NELL2: variants seen among roughly 807,000 people sequenced by gnomAD.
NELL2 encodes the protein protein kinase C-binding protein NELL2.
A neutral mutation model predicts 109.6 loss-of-function variants in NELL2; 41 were observed. The observed-to-expected ratio is 0.37, with a 90% CI of 0.29 to 0.49. The LOEUF is 0.49. Ranked by LOEUF, NELL2 falls within the 20% of genes least tolerant of loss-of-function variation. The probability of loss-of-function intolerance (pLI) is 0.98; values close to 1 mark genes in which losing one functional copy is unlikely to be tolerated. For synonymous variants in NELL2, 355 were observed against 344.7 expected (o/e 1.03, Z -0.33); for missense variants, 900 against 1,008.3 (o/e 0.89, Z 1.45).
chr12:44,714,088 GT>G (rs1467248399), intron 10 of NELL2, among the ~76,000 whole-genome samples: 1 of 151,850 alleles, frequency 6.6e-6, no homozygotes, highest in Non-Finnish European at 1.5e-5. Flanking sequence ...AACATATTTA[GT>G]TTTTCAATTA....
chr12:44,579,433 G>T (rs2136208313), intron 15 of NELL2, among the ~76,000 whole-genome samples: 1 of 152,320 alleles, frequency 6.6e-6, no homozygotes, highest in East Asian at 1.9e-4. Flanking sequence ...TCTGAAACAA[G>T]TGTAACACTT....
chr12:44,706,816 G>C (rs1937908187), intron 11 of NELL2, among the ~76,000 whole-genome samples: 1 of 152,006 alleles, frequency 6.6e-6, no homozygotes, highest in Non-Finnish European at 1.5e-5. Flanking sequence ...TCCTTCTTTA[G>C]GTTTTAACTT....
chr12:44,689,414 C>T (rs1354645519), intron 12 of NELL2, among the ~76,000 whole-genome samples: 1 of 151,974 alleles, frequency 6.6e-6, no homozygotes, highest in Non-Finnish European at 1.5e-5. Context: ...GTTCTTTAGC[C>T]CATAGGTTCT....
At chr12:44,644,618 A>G (rs1248929587) in intron 13 of NELL2, among the ~76,000 whole-genome samples, 2 of 93,612 alleles carry the variant, frequency 2.1e-5, no homozygotes, top group Non-Finnish European at 4.3e-5. Context: ...GTATATATAT[A>G]TATATATACA....
At position 44,885,745 on chromosome 12, in the gene NELL2, C is replaced by T. The variant is rs1022445965; in HGVS notation, c.39-9845G>A. ...GATTCAAGAAAATCTCAATAAAAATCCCAGCAGGCTATTTTGTAGCAATTA... is the reference window on the plus strand; with the variant it reads ...GATTCAAGAAAATCTCAATAAAAATTCCAGCAGGCTATTTTGTAGCAATTA... On this transcript the variant is annotated intron_variant, in intron 1 of 20. Transcript: ENST00000333837. 2.8e-4 allele frequency among the ~76,000 whole-genome samples: 43 copies of T among 151,692 alleles called. 1 individual carries two copies. The highest frequency in any genetic ancestry group is 2.8e-3 in the Admixed American group (43 of 15,236).
At chr12:44,690,186 T>C (rs527614721) in intron 12 of NELL2, among the ~76,000 whole-genome samples, 1 of 152,272 alleles carries the variant, frequency 6.6e-6, no homozygotes, top group Admixed American at 6.5e-5. Context: ...TCAGGTGGTT[T>C]TGATGCAGCC....
chr12:44,807,020 T>A (rs1943023679), intron 3 of NELL2, among the ~76,000 whole-genome samples: 1 of 150,956 alleles, frequency 6.6e-6, no homozygotes, highest in Admixed American at 6.6e-5. Context: ...AGGGAAACCA[T>A]AAAAAAATTA....
In NELL2 at chr12:44,758,836, T is replaced by C. The variant is rs183207943; in HGVS notation, c.994+15911A>G. Among the ~76,000 whole-genome samples, 415 of 152,340 alleles carry C rather than the reference T, an allele frequency of 2.7e-3. 4 individuals carry two copies. The highest frequency in any genetic ancestry group is 9.4e-3 in the African/African-American group (391 of 41,582). On this transcript the variant is annotated intron_variant, in intron 9 of 19. Transcript: ENST00000429094. ...TCAAAGGGTTAACCACTTCTGACCTTTGTGTTTCTGAACTAGTATTCTTTA... is the reference window on the plus strand; with the variant it reads ...TCAAAGGGTTAACCACTTCTGACCTCTGTGTTTCTGAACTAGTATTCTTTA...
rs542254372 is a variant in NELL2, at chr12:44,552,708, C to G, written c.1664-19987G>C. On this transcript the variant is annotated intron_variant, in intron 15 of 19. Transcript: ENST00000429094. Reference sequence around the variant, plus strand: ...GTATGTGATGTTAAGACTGTAAGAACAAAAAGAAGCCAGTTACTTGTGTTT... The same window carrying G: ...GTATGTGATGTTAAGACTGTAAGAAGAAAAAGAAGCCAGTTACTTGTGTTT... Among the ~76,000 whole-genome samples the G allele has an allele frequency of 3.9e-5, 6 of 152,172 alleles. No individual in the cohort carries two copies. The South Asian group carries it at 1.2e-3, about 32-fold the overall frequency.
intron 15 of NELL2, among the ~76,000 whole-genome samples, chr12:44,575,512 A>G (rs899629724): frequency 5.3e-5 from 8 of 152,242 alleles, no homozygotes; most frequent in African/African-American, 1.7e-4. Flanking sequence ...ATAAAATATT[A>G]TAAGATGAAG....
intron 2 of NELL2, among the ~76,000 whole-genome samples, chr12:44,855,194 C>G (rs1390867320): frequency 6.6e-6 from 1 of 152,116 alleles, no homozygotes; most frequent in African/African-American, 2.4e-5. Flanking sequence ...TTAGTGGCTA[C>G]TGTATTGGAG....
chr12:44,663,250 A>AT (rs1180469405), intron 13 of NELL2, among the ~76,000 whole-genome samples: 4 of 152,176 alleles, frequency 2.6e-5, no homozygotes, highest in African/African-American at 9.7e-5. Context: ...AAGGCCTAAC[A>AT]TTAAAAAAAA....
At chr12:44,526,057 T>G (rs773130809) in intron 16 of NELL2, among the ~76,000 whole-genome samples, 4 of 152,178 alleles carry the variant, frequency 2.6e-5, no homozygotes, top group African/African-American at 4.8e-5. Context: ...AGCATGTAGC[T>G]GAAGAGCTAC....
intron 9 of NELL2, among the ~76,000 whole-genome samples, chr12:44,717,540 G>A (rs955433510): frequency 2.0e-5 from 3 of 152,072 alleles, no homozygotes; most frequent in African/African-American, 7.2e-5. Context: ...GAGACCGAAC[G>A]AACTTCTAAG....
At chr12:44,868,651 C>T (rs1040117476) in intron 2 of NELL2, among the ~76,000 whole-genome samples, 1 of 152,118 alleles carries the variant, frequency 6.6e-6, no homozygotes, top group African/African-American at 2.4e-5. Context: ...AAGACAAATA[C>T]CACATGATCT....
upstream of NELL2, among the ~76,000 whole-genome samples, chr12:44,915,093 C>T (rs429115): frequency 0.024 from 3,706 of 152,172 alleles, 161 homozygotes; most frequent in African/African-American, 0.084. Flanking sequence ...CCTCGTGATC[C>T]GCCCACCTCG....
chr12:44,644,604 G>GTATATATATATATATATATATATATA (rs1555190872), intron 13 of NELL2, among the ~76,000 whole-genome samples: 2 of 81,272 alleles, frequency 2.5e-5, no homozygotes, highest in African/African-American at 5.6e-5. Context: ...ATATATATAT[G>GTATATATATATATATATATATATATA]TATGTATATA....
At chr12:44,694,473 T>A (rs1242804653) in intron 12 of NELL2, among the ~76,000 whole-genome samples, 1 of 151,560 alleles carries the variant, frequency 6.6e-6, no homozygotes, top group East Asian at 1.9e-4. Context: ...GCCAATTCCT[T>A]ATAATAATAA....
At chr12:44,722,554 G>A (rs1938836719) in intron 9 of NELL2, among the ~76,000 whole-genome samples, 1 of 152,132 alleles carries the variant, frequency 6.6e-6, no homozygotes, top group African/African-American at 2.4e-5. Context: ...GGGAAATGAT[G>A]GGCACATGCA....
Sources: allele counts gnomAD v4.1 joint callset (sites outside exome capture counted in the v4.1 genomes callset), GRCh38; gene constraint gnomAD v4.1.1; transcripts MANE v1.5; gene names NCBI Gene and HGNC (gene_info 2026-07-23, HGNC 2026-07-21).